The following ATRNL1 variants were observed in gnomAD, a reference collection of about 807,000 sequenced individuals.
ATRNL1 encodes attractin-like protein 1.
ATRNL1 carries 95 observed loss-of-function variants against 182.7 expected under a neutral mutation model. The ratio of observed to expected loss-of-function variants is 0.52; its 90% CI spans 0.44 to 0.62. ATRNL1 has a LOEUF of 0.62. Among genes scored for constraint, ATRNL1 ranks in the 20% least tolerant of loss-of-function variants. The pLI is 0.00. For missense variants in ATRNL1, 1,471 were observed against 1,679.5 expected, an observed-to-expected ratio of 0.88 and a Z score of 2.17; for synonymous variants, 576 against 568.3, an observed-to-expected ratio of 1.01 and a Z score of -0.19.
chr10:115,310,502 G>T (rs1853962386), intron 17 of ATRNL1, among the ~76,000 whole-genome samples: 2 of 151,966 alleles, frequency 1.3e-5, no homozygotes, highest in South Asian at 4.1e-4. Context: ...TACTGATTCA[G>T]TCCCGCTGCT....
chr10:115,782,646 C>A (rs1179464267), intron 27 of ATRNL1, among the ~76,000 whole-genome samples: 1 of 152,184 alleles, frequency 6.6e-6, no homozygotes, highest in Admixed American at 6.5e-5. Context: ...GGGAGTCTGT[C>A]ATGTTCTTGA....
In ATRNL1 at chr10:115,895,347, G is replaced by A. The variant is rs188932451; in HGVS notation, c.4018+47356G>A. 1.1e-4 allele frequency among the ~76,000 whole-genome samples: 17 copies of A among 152,278 alleles called. No individual in the cohort carries two copies. The South Asian group carries it at 1.5e-3, about 13-fold the overall frequency. ...GTATTTGTTGTCATTCAGTATTCCC[G>A]GGTGCAGTGCCTTTTCAGCTGCCGC... is the stretch of plus-strand genomic sequence containing the variant. On this transcript the variant is annotated intron_variant, in intron 28 of 28. Transcript: ENST00000355044.
chr10:115,150,928 G>A (rs1846196691), intron 5 of ATRNL1, among the ~76,000 whole-genome samples: 1 of 152,108 alleles, frequency 6.6e-6, no homozygotes, highest in Non-Finnish European at 1.5e-5. Flanking sequence ...GTGTCCAAGT[G>A]TTCTCATTGT....
At chr10:115,681,789 GT>G (rs1425222287) in intron 26 of ATRNL1, among the ~76,000 whole-genome samples, 1 of 152,056 alleles carries the variant, frequency 6.6e-6, no homozygotes, top group African/African-American at 2.4e-5. Flanking sequence ...GAACTTTCAT[GT>G]AATTTTAATA....
intron 8 of ATRNL1, among the ~76,000 whole-genome samples, chr10:115,173,204 G>A (rs1847363599): frequency 6.6e-6 from 1 of 151,988 alleles, no homozygotes; most frequent in African/African-American, 2.4e-5. Flanking sequence ...TGAGGCAGAT[G>A]TGTGGCTGAG....
intron 28 of ATRNL1, among the ~76,000 whole-genome samples, chr10:115,848,308 A>C (rs1382407023): frequency 6.6e-6 from 1 of 152,212 alleles, no homozygotes; most frequent in East Asian, 1.9e-4. Flanking sequence ...ACCATGTTCT[A>C]GACCCTTCCA....
chr10:115,606,337 T>C (rs1224180211), intron 26 of ATRNL1, among the ~76,000 whole-genome samples: 1 of 152,058 alleles, frequency 6.6e-6, no homozygotes, highest in African/African-American at 2.4e-5. Context: ...ATGCTGAATT[T>C]ATTGCTACAT....
chr10:115,116,157 AC>A lies in ATRNL1; in HGVS notation c.294-4027del, dbSNP rs374513202. Among the ~76,000 whole-genome samples, 101 of 152,202 alleles carry A rather than the reference AC, an allele frequency of 6.6e-4. 2 individuals are homozygous for A. The South Asian group carries it at 0.02, about 31-fold the overall frequency. On this transcript the variant is annotated intron_variant, in intron 1 of 28. Transcript: ENST00000355044. ...GCAATCTTAGATAATACTTAAACAA[AC>A]TAGTGTAGTTGTGTTCCAATAAAAG...
At chr10:115,920,359 T>G (rs948133861) in intron 28 of ATRNL1, among the ~76,000 whole-genome samples, 1 of 152,238 alleles carries the variant, frequency 6.6e-6, no homozygotes, top group East Asian at 1.9e-4. Flanking sequence ...TCATCATTGC[T>G]GCTACTCATG....
At chr10:115,821,660 A>G (rs1165093831) in intron 27 of ATRNL1, among the ~76,000 whole-genome samples, 3 of 152,304 alleles carry the variant, frequency 2.0e-5, no homozygotes, top group East Asian at 1.9e-4. Flanking sequence ...CATACTTTAA[A>G]CCAGCAAAGA....
chr10:115,659,699 C>T (rs538521285), intron 26 of ATRNL1, among the ~76,000 whole-genome samples: 2 of 151,982 alleles, frequency 1.3e-5, no homozygotes, highest in African/African-American at 4.8e-5. Context: ...TCATAACTTA[C>T]ACATAATCAT....
chr10:115,394,657 A>C lies in ATRNL1; in HGVS notation c.3176-2A>C. 6.2e-7 allele frequency: 1 copy of C among 1,610,790 alleles called. No homozygotes were observed. Among genetic ancestry groups the C allele is most frequent in the Admixed American group, 1.7e-5 (1 of 59,796 alleles). On this transcript the variant is annotated splice_acceptor_variant, in intron 19 of 28. Transcript: ENST00000355044. LOFTEE classifies it high-confidence loss of function. ...CAATATCATTTTGGTTTTGACTTACAGCTTGTACATGCAGTGGCCATGCAA... is the reference window on the plus strand; with the variant it reads ...CAATATCATTTTGGTTTTGACTTACCGCTTGTACATGCAGTGGCCATGCAA...
chr10:115,171,142 C>CCTA lies in ATRNL1; in HGVS notation c.1201_1203dup (p.Thr401dup). 1 of 1,611,138 alleles carries CCTA rather than the reference C, an allele frequency of 6.2e-7. No homozygotes were observed. The highest frequency in any genetic ancestry group is 8.5e-7 in the Non-Finnish European group (1 of 1,178,160). ...TAGTCAGTCATGGAGTACAAAAACT[C>CCTA]CTACTGTTCTTGGACATGGTCAGCA... is the stretch of plus-strand genomic sequence containing the variant. On this transcript the variant is annotated inframe_insertion, in exon 8 of 29. Coordinates refer to ENST00000355044, the MANE Select transcript of ATRNL1 (RefSeq NM_207303.4).
At position 115,129,510 on chromosome 10, in the gene ATRNL1, A is replaced by G. The variant is rs77597486; in HGVS notation, c.804A>G (p.Leu268=). The stretch of plus-strand genomic sequence containing the variant: ...ACTGTGACCTGACTGGAGAAAAATT[A>G]TGTGTCTGCAATGATAGTTGGCAAG... ...HGYCDLTGEK[L]CVCNDSWQGP... is the part of the protein sequence containing the mutation. The change falls in exon 5 of 29, where the codon TTA becomes TTG. Residue 268 remains leucine, a synonymous_variant. Coordinates refer to ENST00000355044, the MANE Select transcript of ATRNL1 (RefSeq NM_207303.4). 47,419 of 1,614,056 alleles carry G rather than the reference A, an allele frequency of 0.029. 875 individuals are homozygous for G. Among genetic ancestry groups the G allele is most frequent in the Non-Finnish European group, 0.032 (38,126 of 1,179,928 alleles).
intron 28 of ATRNL1, among the ~76,000 whole-genome samples, chr10:115,854,008 G>T (rs1314240431): frequency 3.3e-5 from 5 of 152,180 alleles, no homozygotes; most frequent in Admixed American, 1.3e-4. Flanking sequence ...ACGTGTAAAA[G>T]TGTCTATTAT....
At chr10:115,718,518 AT>A (rs1418842443) in intron 26 of ATRNL1, among the ~76,000 whole-genome samples, 1 of 152,146 alleles carries the variant, frequency 6.6e-6, no homozygotes, top group Non-Finnish European at 1.5e-5. Context: ...GGTCCATTGA[AT>A]TTCCTGTTGG....
Position 115,153,144 on chromosome 10 carries a change from T to C in ATRNL1, c.830-6896T>C, listed in dbSNP as rs527641897. Among the ~76,000 whole-genome samples the C allele has an allele frequency of 1.2e-4, 18 of 152,316 alleles. No homozygotes were observed. In the South Asian group the frequency reaches 3.3e-3, roughly 28 times the overall value. ...CAGGATTTTATTGAGGATTTTTGCA[T>C]TGATATTCATCAGAGATATTGGTCT... On this transcript the variant is annotated intron_variant, in intron 5 of 28. Transcript: ENST00000355044.
At chr10:115,759,647 A>G (rs1948682284) in intron 27 of ATRNL1, among the ~76,000 whole-genome samples, 1 of 151,654 alleles carries the variant, frequency 6.6e-6, no homozygotes, top group Admixed American at 6.6e-5. Context: ...GCATTTTATG[A>G]TATAGTCACT....
chr10:115,192,174 C>A (rs1260463955), intron 8 of ATRNL1, among the ~76,000 whole-genome samples: 2 of 151,994 alleles, frequency 1.3e-5, no homozygotes, highest in Admixed American at 1.3e-4. Flanking sequence ...TCTGCCCAGA[C>A]CAATGTCCTG....
Sources: gnomAD v4.1 joint callset for allele counts (sites outside exome capture counted in the v4.1 genomes callset) on GRCh38, gnomAD v4.1.1 for gene constraint, MANE v1.5 for transcripts, NCBI Gene and HGNC (gene_info 2026-07-23, HGNC 2026-07-21) for gene names.